Variants in RALYL observed in about 807,000 individuals in gnomAD.
RALYL encodes RNA-binding Raly-like protein.
RALYL carries 29 observed loss-of-function variants against 35.1 expected under a neutral mutation model. That is an observed-to-expected ratio of 0.83 (90% CI 0.61 to 1.13). The LOEUF is 1.13. Ranked by LOEUF, RALYL falls within the 50% of genes most tolerant of loss-of-function variation. The probability of loss-of-function intolerance (pLI) is 0.00; values close to 1 mark genes in which losing one functional copy is unlikely to be tolerated. For missense variants in RALYL, 359 were observed against 360.4 expected (o/e 1.00, Z 0.03); for synonymous variants, 120 against 127.6 (o/e 0.94, Z 0.40).
chr8:84,798,532 C>T (rs1288327565), intron 3 of RALYL, among the ~76,000 whole-genome samples: 1 of 152,190 alleles, frequency 6.6e-6, no homozygotes, highest in African/African-American at 2.4e-5. Context: ...CAAGGCCACA[C>T]AGCCAGAGGT....
At chr8:84,463,948 G>A (rs186819240) in intron 1 of RALYL, among the ~76,000 whole-genome samples, 17 of 151,728 alleles carry the variant, frequency 1.1e-4, no homozygotes, top group South Asian at 1.0e-3. Context: ...CTATAGTTTC[G>A]CCTTTTCTAG....
intron 4 of RALYL, among the ~76,000 whole-genome samples, chr8:84,805,245 A>G (rs938465791): frequency 6.6e-6 from 1 of 151,944 alleles, no homozygotes; most frequent in African/African-American, 2.4e-5. Flanking sequence ...TTTTCTCCTT[A>G]TCTCTCATTT....
At chr8:84,332,238 C>T (rs188070455) in intron 1 of RALYL, among the ~76,000 whole-genome samples, 2 of 152,196 alleles carry the variant, frequency 1.3e-5, no homozygotes, top group East Asian at 3.9e-4. Flanking sequence ...ACTCTTCTTT[C>T]AGCCTTATTG....
chr8:84,447,960 T>A (rs2049028326), intron 1 of RALYL, among the ~76,000 whole-genome samples: 1 of 151,858 alleles, frequency 6.6e-6, no homozygotes. Flanking sequence ...AAATGTAAGG[T>A]TTTGTGTATT....
At chr8:84,389,114 G>C (rs1454949441) in intron 1 of RALYL, among the ~76,000 whole-genome samples, 2 of 152,046 alleles carry the variant, frequency 1.3e-5, no homozygotes, top group Admixed American at 1.3e-4. Context: ...TTTCCCCATT[G>C]CTTGTTTTTC....
intron 2 of RALYL, among the ~76,000 whole-genome samples, chr8:84,620,626 A>C (rs534686674): frequency 0.011 from 1,622 of 152,050 alleles, 34 homozygotes; most frequent in African/African-American, 0.037. Flanking sequence ...GTTTTGTTCC[A>C]TTGCTGGTGA....
intron 3 of RALYL, among the ~76,000 whole-genome samples, chr8:84,788,094 A>G (rs1819961374): frequency 6.6e-6 from 1 of 152,118 alleles, no homozygotes; most frequent in Non-Finnish European, 1.5e-5. Flanking sequence ...GTCTTTGCCC[A>G]TGTCTATGTC....
At chr8:84,425,085 G>A (rs1288768579) in intron 1 of RALYL, among the ~76,000 whole-genome samples, 1 of 152,146 alleles carries the variant, frequency 6.6e-6, no homozygotes. Flanking sequence ...CACCCAGTTC[G>A]AGCTTCCTAG....
At chr8:84,310,034 GTTTTCTTTTTTCT>G (rs1310338376) in intron 1 of RALYL, among the ~76,000 whole-genome samples, 1 of 151,268 alleles carries the variant, frequency 6.6e-6, no homozygotes, top group East Asian at 1.9e-4. Context: ...GCTGCTAAGT[GTTTTCTTTTTTCT>G]TTTTTTTTTT....
chr8:84,784,691 C>T (rs1024096757), intron 3 of RALYL, among the ~76,000 whole-genome samples: 1 of 151,914 alleles, frequency 6.6e-6, no homozygotes, highest in East Asian at 1.9e-4. Flanking sequence ...CTTACATAAA[C>T]TGTTTGGTGT....
chr8:84,558,082 C>T (rs1017025932), intron 2 of RALYL, among the ~76,000 whole-genome samples: 22 of 152,020 alleles, frequency 1.4e-4, no homozygotes, highest in African/African-American at 5.3e-4. Context: ...TTTATAGTTG[C>T]TTAAATTATA....
chr8:84,728,175 G>A (rs1477883035), intron 2 of RALYL, among the ~76,000 whole-genome samples: 27 of 151,800 alleles, frequency 1.8e-4, no homozygotes, highest in African/African-American at 6.1e-4. Flanking sequence ...TCTAACTGGT[G>A]TGAGATGGTA....
chr8:84,521,803 TA>T (rs1173195181), intron 1 of RALYL, among the ~76,000 whole-genome samples: 1 of 152,210 alleles, frequency 6.6e-6, no homozygotes, highest in Non-Finnish European at 1.5e-5. Context: ...TAACTTTTTA[TA>T]ACTATAGTTG....
At chr8:84,586,350 A>G (rs754727379) in intron 2 of RALYL, among the ~76,000 whole-genome samples, 14 of 152,226 alleles carry the variant, frequency 9.2e-5, no homozygotes, top group Non-Finnish European at 1.5e-4. Context: ...ATGTAAGAAA[A>G]TGAGAACTTA....
At chr8:84,663,667 G>GT (rs1169232262) in intron 2 of RALYL, among the ~76,000 whole-genome samples, 2 of 151,852 alleles carry the variant, frequency 1.3e-5, no homozygotes, top group African/African-American at 2.4e-5. Context: ...TAATGGGGTT[G>GT]TTTTTTTAAT....
intron 1 of RALYL, among the ~76,000 whole-genome samples, chr8:84,310,796 C>T (rs1365652909): frequency 7.3e-6 from 1 of 137,406 alleles, no homozygotes; most frequent in African/African-American, 2.9e-5. Flanking sequence ...GCCTGTAATC[C>T]CAGCACTTTG....
intron 1 of RALYL, among the ~76,000 whole-genome samples, chr8:84,439,423 A>T (rs1195375253): frequency 1.3e-5 from 2 of 152,092 alleles, no homozygotes; most frequent in African/African-American, 2.4e-5. Context: ...GGCAAACTTG[A>T]TTAAATATAT....
chr8:84,608,541 C>T (rs1260823455), intron 2 of RALYL, among the ~76,000 whole-genome samples: 2 of 152,154 alleles, frequency 1.3e-5, no homozygotes, highest in African/African-American at 2.4e-5. Flanking sequence ...TTGCTCCTGC[C>T]TCCCACTTTG....
intron 2 of RALYL, among the ~76,000 whole-genome samples, chr8:84,703,957 A>T (rs748042261): frequency 2.0e-5 from 3 of 152,194 alleles, no homozygotes; most frequent in Non-Finnish European, 4.4e-5. Flanking sequence ...CTGAGAACTC[A>T]CGTAATGAGA....
Sources: gnomAD v4.1 joint callset for allele counts (sites outside exome capture counted in the v4.1 genomes callset) on GRCh38, gnomAD v4.1.1 for gene constraint, MANE v1.5 for transcripts, NCBI Gene and HGNC (gene_info 2026-07-23, HGNC 2026-07-21) for gene names.